EXOSC10: variants seen among roughly 807,000 people sequenced by gnomAD.
The protein encoded by EXOSC10 is exosome component 10, also known as exosome complex component 10.
In EXOSC10, 94 loss-of-function variants were observed where a neutral mutation model predicts 126.6. That is an observed-to-expected ratio of 0.74 (90% CI 0.63 to 0.88). EXOSC10 has a LOEUF of 0.88. EXOSC10 is among the 40% of genes least tolerant of loss of function. EXOSC10 has a pLI of 0.00. For missense variants in EXOSC10, 1,041 were observed against 1,100.5 expected, an observed-to-expected ratio of 0.95 and a Z score of 0.77; for synonymous variants, 395 against 400.8, an observed-to-expected ratio of 0.99 and a Z score of 0.17.
intron 6 of EXOSC10, among the ~76,000 whole-genome samples, 168 bp from the exon 7 acceptor site, chr1:11,088,366 AGAT>A (rs1413758840): frequency 1.3e-5 from 2 of 152,232 alleles, no homozygotes; most frequent in Non-Finnish European, 2.9e-5. Context: ...ATCATAAATC[AGAT>A]GATATTTGCT....
At chr1:11,097,979 T>C (rs368857133) in intron 2 of EXOSC10, 41 bp downstream of exon 2, 10 of 1,465,080 alleles carry the variant, frequency 6.8e-6, no homozygotes, top group Non-Finnish European at 9.0e-6. Context: ...TTTGTTTTCA[T>C]TTCTTTTCAC....
rs2100237763 is a variant in EXOSC10, at chr1:11,095,818, AGTCACTTT to A, written c.304_311del (p.Lys102Ter). On this transcript the variant is annotated frameshift_variant, in exon 3 of 25. Coordinates refer to ENST00000376936, the MANE Select transcript of EXOSC10 (RefSeq NM_001001998.3). LOFTEE classifies it high-confidence loss of function. The stretch of plus-strand genomic sequence containing the variant: ...GTAAATCAAACTTGTCTTCCAGCTC[AGTCACTTT>A]ACTTCGATCCTTAATGTTGCTGCGA... 2 of 1,614,112 alleles carry A rather than the reference AGTCACTTT, an allele frequency of 1.2e-6. No homozygotes were observed. Among genetic ancestry groups the A allele is most frequent in the East Asian group, 4.5e-5 (2 of 44,890 alleles).
chr1:11,099,842 T>C lies in EXOSC10; in HGVS notation c.-11A>G, dbSNP rs1484689670. The C allele has an allele frequency of 1.9e-6, 3 of 1,593,102 alleles. No individual in the cohort carries two copies. The highest frequency in any genetic ancestry group is 2.6e-6 in the Non-Finnish European group (3 of 1,168,948). The stretch of plus-strand genomic sequence containing the variant: ...ACTGGGTGGCGCCATTTTTTCAGCC[T>C]GCACGGCTCGTCTCGCGAGAGCTTG... On this transcript the variant is annotated 5_prime_UTR_variant, in exon 1 of 25. Coordinates refer to ENST00000376936, the MANE Select transcript of EXOSC10 (RefSeq NM_001001998.3).
intron 3 of EXOSC10, among the ~76,000 whole-genome samples, chr1:11,092,163 G>A (rs1461584434): frequency 1.3e-5 from 2 of 152,186 alleles, no homozygotes; most frequent in South Asian, 4.1e-4. Flanking sequence ...TTACAATGAT[G>A]TGAAAGTGAT....
chr1:11,082,946 C>A, intron 9 of EXOSC10, 68 bp from the exon 10 acceptor site: 1 of 1,253,812 alleles, frequency 8.0e-7, no homozygotes, highest in Non-Finnish European at 1.2e-6. Context: ...ATTAACTCTG[C>A]CTCTAGTTTA....
rs140224896 is a variant in EXOSC10 at position 11,082,063 on chromosome 1, C to G, written c.1280+625G>C. ...CGCCATTGCACTCCAGCCTGGGCAA[C>G]AGTGAAACTGCATCTCAAAAAAAAA... On this transcript the variant is annotated intron_variant, in intron 10 of 24. Coordinates refer to ENST00000376936, the MANE Select transcript of EXOSC10 (RefSeq NM_001001998.3). 8.1e-3 allele frequency among the ~76,000 whole-genome samples: 1,174 copies of G among 145,324 alleles called. 23 individuals are homozygous for G. Among genetic ancestry groups the G allele is most frequent in the African/African-American group, 0.028 (1,108 of 39,110 alleles).
rs1156777719 is a variant in EXOSC10 at position 11,091,191 on chromosome 1, G to T, written c.478-12C>A. The T allele has an allele frequency of 1.2e-5, 20 of 1,609,778 alleles. No homozygotes were observed. The highest frequency in any genetic ancestry group is 1.6e-5 in the Non-Finnish European group (19 of 1,178,204). On this transcript the variant is annotated splice_polypyrimidine_tract_variant and intron_variant, in intron 4 of 24. Coordinates refer to ENST00000376936, the MANE Select transcript of EXOSC10 (RefSeq NM_001001998.3). ...CCATATTCTGCTGCCTATGATCAAT[G>T]AATACAAATACTTTATAACACAGCA...
intron 24 of EXOSC10, among the ~76,000 whole-genome samples, chr1:11,067,717 C>A (rs74624408): frequency 0.014 from 2,180 of 152,260 alleles, 56 homozygotes; most frequent in African/African-American, 0.05. Flanking sequence ...CTATTTACAC[C>A]TATTTTCCCT....
chr1:11,077,490 G>A (rs765561085), intron 15 of EXOSC10, 47 bp from the exon 16 acceptor site: 119 of 1,600,108 alleles, frequency 7.4e-5, no homozygotes, highest in East Asian at 1.6e-4. Flanking sequence ...CGTGCAAGCC[G>A]GCAGTAGCTT....
rs781571540 is a variant in EXOSC10 at position 11,080,864 on chromosome 1, T to A, written c.1486A>T (p.Arg496Trp). Residue 496 changes from arginine to tryptophan, a missense_variant, in exon 12 of 25, where the codon AGG becomes TGG. By Grantham distance (101) the Arg-to-Trp change is moderately radical. This residue lies in a region of EXOSC10 where 645 missense variants were observed against 656.3 expected (regional missense o/e 0.98). Coordinates refer to ENST00000376936, the MANE Select transcript of EXOSC10 (RefSeq NM_001001998.3). Reference sequence around the variant, plus strand: ...GTGTTAAGGTGCTTCTTCTGCTTCCTATAGAGTTCAAGGTAGGACTCATCC... The same window carrying A: ...GTGTTAAGGTGCTTCTTCTGCTTCCAATAGAGTTCAAGGTAGGACTCATCC... ...FTDESYLELYRKQKKHLNTQQ... is the reference protein window; with the variant it reads ...FTDESYLELYWKQKKHLNTQQ... The A allele has an allele frequency of 2.0e-5, 33 of 1,613,944 alleles. No individual in the cohort carries two copies. The highest frequency in any genetic ancestry group is 1.6e-4 in the Middle Eastern group (1 of 6,084).
At position 11,092,521 on chromosome 1, in the gene EXOSC10, C is replaced by CT. The variant is rs201402155; in HGVS notation, c.373-925dup. Among the ~76,000 whole-genome samples the CT allele has an allele frequency of 2.4e-3, 325 of 138,276 alleles. 1 individual carries two copies. Among genetic ancestry groups the CT allele is most frequent in the East Asian group, 4.2e-3 (20 of 4,740 alleles). The allele number at this position is 138,276 out of a possible 152,430, so 90.7% of individuals were successfully genotyped here. ...AGCCACTGTGCCTGGCCCTGTTTTT[C>CT]TTTTTTTTTTTTTTGAGAGGGAGTC... On this transcript the variant is annotated intron_variant, in intron 3 of 24. Coordinates refer to ENST00000376936, the MANE Select transcript of EXOSC10 (RefSeq NM_001001998.3).
intron 6 of EXOSC10, 134 bp from the exon 7 acceptor site, chr1:11,088,332 C>CTTCT (rs140310085): frequency 3.4e-6 from 2 of 593,330 alleles, no homozygotes; most frequent in Non-Finnish European, 5.8e-6. Flanking sequence ...TTACAAAGAG[C>CTTCT]TTATTTCAGT....
intron 9 of EXOSC10, among the ~76,000 whole-genome samples, chr1:11,083,285 C>T (rs1640273516): frequency 6.6e-6 from 1 of 152,150 alleles, no homozygotes; most frequent in African/African-American, 2.4e-5. Context: ...ATATATGCAG[C>T]TGGGCATGGT....
chr1:11,077,085 C>T (rs565893804), intron 16 of EXOSC10, 137 bp from the exon 17 acceptor site: 14 of 671,822 alleles, frequency 2.1e-5, no homozygotes, highest in Middle Eastern at 3.9e-4. Context: ...TCCGCCTCCT[C>T]GGTTCAAGTG....
intron 9 of EXOSC10, among the ~76,000 whole-genome samples, chr1:11,083,597 C>A (rs569968580): frequency 3.2e-4 from 44 of 138,504 alleles, no homozygotes; most frequent in African/African-American, 1.2e-3. Context: ...TAGATATATG[C>A]AGGGTTTTTT....
rs1641330690 is a variant in EXOSC10, at chr1:11,099,756, G to A, written c.76C>T (p.Leu26=). ...SATKSDGEMV[L]PGFPDADSFV... ...CTGTCGGCGTCCGGGAAGCCTGGCA[G>A]CACCATCTCTCCGTCGGATTTGGTT... Residue 26 remains leucine (L), a synonymous_variant, in exon 1 of 25, where the codon CTG becomes TTG. Transcript: ENST00000376936. The A allele has an allele frequency of 6.2e-7, 1 of 1,611,950 alleles. No individual in the cohort carries two copies. Among genetic ancestry groups the A allele is most frequent in the Non-Finnish European group, 8.5e-7 (1 of 1,178,990 alleles).
At chr1:11,087,169 C>A (rs984242114) in intron 9 of EXOSC10, among the ~76,000 whole-genome samples, 1 of 152,174 alleles carries the variant, frequency 6.6e-6, no homozygotes, top group African/African-American at 2.4e-5. Flanking sequence ...GCTCTAGTAG[C>A]TTCAGTACAG....
At chr1:11,075,906 C>T (rs1046500100) in intron 17 of EXOSC10, among the ~76,000 whole-genome samples, 6 of 148,588 alleles carry the variant, frequency 4.0e-5, no homozygotes, top group African/African-American at 1.5e-4. Flanking sequence ...TGGCTCATGC[C>T]TGTAATCCCA....
At chr1:11,066,897 T>G (rs924992914) in intron 24 of EXOSC10, 149 bp from the exon 25 acceptor site, 11 of 826,270 alleles carry the variant, frequency 1.3e-5, no homozygotes, top group Non-Finnish European at 2.2e-5. Flanking sequence ...CCCACCAGAG[T>G]TGGCTGAGCT....
Sources: gnomAD v4.1 joint callset for allele counts (sites outside exome capture counted in the v4.1 genomes callset) on GRCh38, gnomAD v4.1.1 for gene constraint, gnomAD v4.1.1 regional missense constraint, MANE v1.5 for transcripts, NCBI Gene and HGNC (gene_info 2026-07-23, HGNC 2026-07-21) for gene names.